PCDHA6: variants seen among roughly 807,000 people sequenced by gnomAD.
PCDHA6 encodes protocadherin alpha 6.
In PCDHA6, 55 loss-of-function variants were observed where a neutral mutation model predicts 60.3. The observed-to-expected ratio is 0.91, with a 90% CI of 0.73 to 1.14. The LOEUF is 1.14. Ranked by LOEUF, PCDHA6 falls within the 50% of genes most tolerant of loss-of-function variation. The pLI, the probability that PCDHA6 is intolerant of heterozygous loss-of-function variation, is 0.00. For synonymous variants in PCDHA6, 652 were observed against 557.9 expected (o/e 1.17, Z -2.38); for missense variants, 1,327 against 1,256.5 (o/e 1.06, Z -0.85).
intron 1 of PCDHA6, among the ~76,000 whole-genome samples, chr5:140,902,333 T>C (rs1248113110): frequency 6.6e-6 from 1 of 151,758 alleles, no homozygotes; most frequent in Non-Finnish European, 1.5e-5. Context: ...TCACTTCGCC[T>C]GGCCTAGGAA....
At chr5:140,944,291 G>A (rs155813) in intron 1 of PCDHA6, among the ~76,000 whole-genome samples, 48,239 of 151,966 alleles carry the variant, frequency 0.32, 8,008 homozygotes, top group East Asian at 0.53. Flanking sequence ...GGGCTCAAGC[G>A]ATCCTCCTAC....
intron 1 of PCDHA6, chr5:140,863,244 G>A (rs1292060203): frequency 7.3e-7 from 1 of 1,361,116 alleles, no homozygotes; most frequent in Non-Finnish European, 1.0e-6. Context: ...GGGCTTTGGC[G>A]GGCGTCGAGG....
rs1554135389 is a variant in PCDHA6 at position 140,835,887 on chromosome 5, C to T, written c.2394+5402C>T. The T allele has an allele frequency of 3.7e-6, 6 of 1,611,898 alleles. No homozygotes were observed. In the East Asian group the frequency reaches 1.1e-4, roughly 30 times the overall value. ...GCTGGTGGAGCTGCGGGTGGGCGAG[C>T]GCGCGCTGTCGAGCTACGTGTCAGT... is the stretch of plus-strand genomic sequence containing the variant. On this transcript the variant is annotated intron_variant, in intron 1 of 3. Transcript: ENST00000529310.
At chr5:140,983,168 C>G (rs2097030716) in intron 3 of PCDHA6, among the ~76,000 whole-genome samples, 1 of 152,146 alleles carries the variant, frequency 6.6e-6, no homozygotes. Context: ...CCAAACATGA[C>G]CGCCTCACAA....
At chr5:140,863,034 A>G (rs782534693) in intron 1 of PCDHA6, 1 of 557,696 alleles carries the variant, frequency 1.8e-6, no homozygotes, top group African/African-American at 1.9e-5. Context: ...CAACAGCTGC[A>G]TCTGTCAGCT....
At chr5:140,911,339 A>G (rs2075428336) in intron 1 of PCDHA6, among the ~76,000 whole-genome samples, 1 of 152,042 alleles carries the variant, frequency 6.6e-6, no homozygotes, top group Non-Finnish European at 1.5e-5. Flanking sequence ...TTTCCAATCA[A>G]TGCCCTCATT....
chr5:140,833,197 A>C (rs2150206891), intron 1 of PCDHA6, among the ~76,000 whole-genome samples: 8 of 152,216 alleles, frequency 5.3e-5, no homozygotes, highest in Non-Finnish European at 8.8e-5. Context: ...TAAATGAAGG[A>C]GAATGAAATA....
chr5:140,992,017 C>CTG (rs10602499), intron 3 of PCDHA6, among the ~76,000 whole-genome samples: 19,643 of 145,468 alleles, frequency 0.14, 1,328 homozygotes, highest in East Asian at 0.18. Flanking sequence ...AGAGGTGGCT[C>CTG]TGTGTGTGTG....
intron 1 of PCDHA6, among the ~76,000 whole-genome samples, chr5:140,918,519 G>A (rs2078736782): frequency 6.6e-6 from 1 of 152,068 alleles, no homozygotes. Flanking sequence ...AACTTATTGA[G>A]GATTGTTTTA....
At chr5:140,960,273 C>T (rs1490527862) in intron 1 of PCDHA6, among the ~76,000 whole-genome samples, 1 of 152,148 alleles carries the variant, frequency 6.6e-6, no homozygotes, top group Non-Finnish European at 1.5e-5. Context: ...AATTCCGTCA[C>T]CTTTTTGGGA....
chr5:140,890,419 A>G (rs1168983784), intron 1 of PCDHA6, among the ~76,000 whole-genome samples: 4 of 152,212 alleles, frequency 2.6e-5, no homozygotes, highest in Non-Finnish European at 5.9e-5. Context: ...ATATTTATTT[A>G]GTTTATATTT....
chr5:141,010,506 C>A lies in PCDHA6; in HGVS notation c.*569C>A. ...CTTAAAGGGACCAGACTTTCTAAAT[C>A]TTACAACTCAAGAGGTGGCAGCCAC... is the stretch of plus-strand genomic sequence containing the variant. On this transcript the variant is annotated 3_prime_UTR_variant, in exon 4 of 4. Transcript: ENST00000529310. 1 of 549,534 alleles carries A rather than the reference C, an allele frequency of 1.8e-6. No homozygotes were observed. The highest frequency in any genetic ancestry group is 2.9e-6 in the Non-Finnish European group (1 of 344,162). 34.0% of individuals were successfully genotyped at this position (549,534 alleles called of 1,614,324 possible). A position where few individuals can be genotyped will look rare whatever the true frequency, so the allele number is the denominator to read the frequency against.
At chr5:140,830,601 T>C (rs1349140277) in intron 1 of PCDHA6, 116 bp downstream of exon 1, 2 of 664,640 alleles carry the variant, frequency 3.0e-6, no homozygotes, top group African/African-American at 3.8e-5. Context: ...CAAAATTACA[T>C]ATTTTCATTT....
intron 1 of PCDHA6, among the ~76,000 whole-genome samples, chr5:140,904,820 A>C (rs2071403823): frequency 6.6e-6 from 1 of 152,014 alleles, no homozygotes; most frequent in African/African-American, 2.4e-5. Flanking sequence ...GATGTTGAGC[A>C]TTTTTTTATA....
intron 1 of PCDHA6, among the ~76,000 whole-genome samples, chr5:140,916,967 G>A (rs1215722713): frequency 2.6e-5 from 4 of 152,194 alleles, no homozygotes; most frequent in African/African-American, 9.7e-5. Context: ...TGACTGCTGG[G>A]ATGAGTGATT....
intron 1 of PCDHA6, chr5:140,867,855 G>T (rs1340065029): frequency 6.6e-6 from 1 of 151,976 alleles, no homozygotes; most frequent in African/African-American, 2.4e-5. Context: ...TAGTTGAATT[G>T]TTTGATTAAT....
At chr5:140,836,830 GAT>G in intron 1 of PCDHA6, 1 of 945,180 alleles carries the variant, frequency 1.1e-6, no homozygotes, top group Non-Finnish European at 1.6e-6. Flanking sequence ...TTTTTTAGTT[GAT>G]AGCTTTATGT....
At chr5:140,975,823 G>A (rs1239122577) in intron 1 of PCDHA6, among the ~76,000 whole-genome samples, 2 of 152,164 alleles carry the variant, frequency 1.3e-5, no homozygotes, top group Non-Finnish European at 2.9e-5. Context: ...AGGAACTGAA[G>A]TGTATTCTTA....
intron 1 of PCDHA6, among the ~76,000 whole-genome samples, chr5:140,838,075 A>AGTGTGTGTGTGTG (rs781914509): frequency 7.8e-6 from 1 of 128,240 alleles, no homozygotes; most frequent in African/African-American, 3.1e-5. Context: ...TTATATATAT[A>AGTGTGTGTGTGTG]TAGTGTGTGT....
Sources: allele counts gnomAD v4.1 joint callset (sites outside exome capture counted in the v4.1 genomes callset), GRCh38; gene constraint gnomAD v4.1.1; transcripts MANE v1.5; gene names NCBI Gene and HGNC (gene_info 2026-07-23, HGNC 2026-07-21).